Variants in MCF2L2 observed in about 807,000 individuals in gnomAD.
MCF2L2 encodes the protein probable guanine nucleotide exchange factor MCF2L2.
In MCF2L2, 102 loss-of-function variants were observed where a neutral mutation model predicts 150.2. That is an observed-to-expected ratio of 0.68 (90% CI 0.58 to 0.80). The LOEUF (loss-of-function observed/expected upper bound fraction) is 0.80, where lower values mean the gene tolerates loss of function less well. Among genes scored for constraint, MCF2L2 ranks in the 30% least tolerant of loss-of-function variants. The probability of loss-of-function intolerance (pLI) is 0.00; values close to 1 mark genes in which losing one functional copy is unlikely to be tolerated. For synonymous variants in MCF2L2, 465 were observed against 491.3 expected (o/e 0.95, Z 0.71); for missense variants, 1,256 against 1,372.8 (o/e 0.91, Z 1.34).
At chr3:183,220,733 A>G (rs1438295421) in intron 20 of MCF2L2, among the ~76,000 whole-genome samples, 1 of 152,208 alleles carries the variant, frequency 6.6e-6, no homozygotes, top group South Asian at 2.1e-4. Flanking sequence ...GAGAAATCCT[A>G]CCTCACTGTT....
At chr3:183,299,626 T>G in intron 11 of MCF2L2, 1 of 178,802 alleles carries the variant, frequency 5.6e-6, no homozygotes, top group Non-Finnish European at 1.2e-5. Context: ...CCAAAAAGAG[T>G]CAAAACCCTT....
chr3:183,258,646 C>CA (rs1394386948), intron 15 of MCF2L2, among the ~76,000 whole-genome samples: 1 of 152,196 alleles, frequency 6.6e-6, no homozygotes, highest in Non-Finnish European at 1.5e-5. Context: ...ACACCACCCC[C>CA]CCGCCCCTGA....
At chr3:183,263,896 G>T (rs1359161550) in intron 15 of MCF2L2, among the ~76,000 whole-genome samples, 1 of 152,056 alleles carries the variant, frequency 6.6e-6, no homozygotes, top group Non-Finnish European at 1.5e-5. Flanking sequence ...TTTCTTGAAA[G>T]GGCCTTCTTT....
chr3:183,265,276 C>CCGTG (rs1277113992), intron 15 of MCF2L2: 1 of 152,268 alleles, frequency 6.6e-6, no homozygotes, highest in African/African-American at 2.4e-5. Context: ...GGCCACTGAC[C>CCGTG]CGTGCTGCAG....
chr3:183,393,696 C>T (rs764688323), intron 1 of MCF2L2, among the ~76,000 whole-genome samples: 1 of 152,222 alleles, frequency 6.6e-6, no homozygotes, highest in Non-Finnish European at 1.5e-5. Flanking sequence ...AACACAACCT[C>T]CAGACTCTTA....
At chr3:183,319,571 A>G (rs1729732212) in intron 6 of MCF2L2, among the ~76,000 whole-genome samples, 1 of 152,256 alleles carries the variant, frequency 6.6e-6, no homozygotes, top group Non-Finnish European at 1.5e-5. Context: ...TTTACAAAGC[A>G]TATTTCTTAA....
intron 15 of MCF2L2, among the ~76,000 whole-genome samples, chr3:183,262,553 T>TC (rs1234675002): frequency 2.6e-5 from 4 of 152,018 alleles, no homozygotes; most frequent in Admixed American, 1.3e-4. Context: ...CTCCCTTGTC[T>TC]CCCCCTAGTC....
At chr3:183,317,821 C>T (rs575674039) in intron 7 of MCF2L2, among the ~76,000 whole-genome samples, 4 of 152,134 alleles carry the variant, frequency 2.6e-5, no homozygotes, top group Non-Finnish European at 4.4e-5. Context: ...GTTCTTCACT[C>T]ACCACCCAGT....
At chr3:183,209,078 A>T (rs1324737054) in intron 22 of MCF2L2, among the ~76,000 whole-genome samples, 2 of 152,240 alleles carry the variant, frequency 1.3e-5, no homozygotes, top group Non-Finnish European at 2.9e-5. Flanking sequence ...CTGTGTTAAC[A>T]GTTCACCACA....
chr3:183,188,968 C>CA lies in MCF2L2; in HGVS notation c.3016+4030dup, dbSNP rs61285950. On this transcript the variant is annotated intron_variant, in intron 27 of 29. Coordinates refer to ENST00000328913, the MANE Select transcript of MCF2L2 (RefSeq NM_015078.4). The stretch of plus-strand genomic sequence containing the variant: ...GAGCGACAAGTGTGAAACTCTATCG[C>CA]AAAAAAAAAAAGCAACGCTTATGAT... 1.5e-3 allele frequency among the ~76,000 whole-genome samples: 217 copies of CA among 141,068 alleles called. 1 individual carries two copies. Among genetic ancestry groups the CA allele is most frequent in the African/African-American group, 3.3e-3 (129 of 39,352 alleles). 92.5% of individuals were successfully genotyped at this position (141,068 alleles called of 152,430 possible). A position where few individuals can be genotyped will look rare whatever the true frequency, so the allele number is the denominator to read the frequency against.
Position 183,197,327 on chromosome 3 carries a change from C to T in MCF2L2, c.2885-2072G>A, listed in dbSNP as rs1722109752. ...AGGCATCCAGAAATAGATGCACTTA[C>T]ATAAATCATCAATTGGAGAAAGAAT... is the stretch of plus-strand genomic sequence containing the variant. On this transcript the variant is annotated intron_variant, in intron 25 of 29. Transcript: ENST00000328913. The surrounding 1 kb of genome is among the most constrained non-coding windows in gnomAD (Gnocchi z 4.5). 6.6e-6 allele frequency among the ~76,000 whole-genome samples: 1 copy of T among 152,168 alleles called. No homozygotes were observed. The highest frequency in any genetic ancestry group is 2.4e-5 in the African/African-American group (1 of 41,442).
chr3:183,322,604 C>T (rs536851583), intron 6 of MCF2L2, among the ~76,000 whole-genome samples: 6 of 152,338 alleles, frequency 3.9e-5, no homozygotes, highest in African/African-American at 1.4e-4. Context: ...CAACATCAGA[C>T]AACATGTTAT....
intron 15 of MCF2L2, among the ~76,000 whole-genome samples, chr3:183,266,402 A>G (rs191792476): frequency 3.3e-5 from 5 of 152,320 alleles, no homozygotes. Flanking sequence ...TAGAAACTGC[A>G]GATGCTTTTC....
chr3:183,349,213 C>A (rs903111697), intron 3 of MCF2L2, among the ~76,000 whole-genome samples: 1 of 152,046 alleles, frequency 6.6e-6, no homozygotes, highest in Non-Finnish European at 1.5e-5. Flanking sequence ...TTTTCCTTTA[C>A]AATTTCCTTC....
chr3:183,320,345 C>T (rs887493927), intron 6 of MCF2L2, among the ~76,000 whole-genome samples: 3 of 152,080 alleles, frequency 2.0e-5, no homozygotes, highest in African/African-American at 4.8e-5. Context: ...CTGCCCACCT[C>T]GGCCTCCCAA....
In MCF2L2 at chr3:183,205,883, A is replaced by T. The variant is rs745323749; in HGVS notation, c.2877T>A (p.Asn959Lys). 1.9e-6 allele frequency: 3 copies of T among 1,613,290 alleles called. No individual in the cohort carries two copies. Among genetic ancestry groups the T allele is most frequent in the Non-Finnish European group, 2.5e-6 (3 of 1,179,268 alleles). Reference protein sequence around the residue: ...ISKLLMEQQNNIKDQGNPQFE... With the variant: ...ISKLLMEQQNKIKDQGNPQFE... ...TCAGCAGGGGTAACCTACCTTTGAT[A>T]TTATTTTGTTGTTCCATCAATAATT... is the stretch of plus-strand genomic sequence containing the variant. Residue 959 changes from asparagine (N) to lysine (K), a missense_variant, in exon 25 of 30, where the codon AAT becomes AAA. Physicochemically the swap from Asn to Lys is moderately conservative, Grantham distance 94. Transcript: ENST00000328913.
intron 3 of MCF2L2, among the ~76,000 whole-genome samples, chr3:183,348,482 G>T (rs1325292676): frequency 6.6e-6 from 1 of 151,994 alleles, no homozygotes; most frequent in Non-Finnish European, 1.5e-5. Flanking sequence ...GGGTTGATGG[G>T]TGCAGCAAAC....
intron 3 of MCF2L2, among the ~76,000 whole-genome samples, chr3:183,344,252 A>G (rs1730816611): frequency 6.6e-6 from 1 of 152,206 alleles, no homozygotes; most frequent in South Asian, 2.1e-4. Flanking sequence ...TGCTAATTCA[A>G]AAACACATAC....
At chr3:183,268,328 C>T (rs1347395325) in intron 15 of MCF2L2, among the ~76,000 whole-genome samples, 3 of 152,120 alleles carry the variant, frequency 2.0e-5, no homozygotes, top group Non-Finnish European at 4.4e-5. Context: ...TAAAAGAGCT[C>T]AGTTTGTCTC....
Sources: allele counts gnomAD v4.1 joint callset (sites outside exome capture counted in the v4.1 genomes callset), GRCh38; gene constraint gnomAD v4.1.1; non-coding constraint Gnocchi (gnomAD v3.1); transcripts MANE v1.5; gene names NCBI Gene and HGNC (gene_info 2026-07-23, HGNC 2026-07-21).